Variants in DNAAF4 observed in about 807,000 individuals in gnomAD.
DNAAF4 encodes the protein dynein assembly factor 4, axonemal.
In DNAAF4, 43 loss-of-function variants were observed where a neutral mutation model predicts 51.8. That is an observed-to-expected ratio of 0.83 (90% CI 0.65 to 1.07). The LOEUF is 1.07. Ranked by LOEUF, DNAAF4 falls within the 50% of genes least tolerant of loss-of-function variation. The pLI is 0.00. For synonymous variants in DNAAF4, 194 were observed against 165.6 expected, an observed-to-expected ratio of 1.17 and a Z score of -1.32; for missense variants, 581 against 493.0, an observed-to-expected ratio of 1.18 and a Z score of -1.69.
intron 3 of DNAAF4, among the ~76,000 whole-genome samples, chr15:55,492,900 T>C (rs2058593828): frequency 1.3e-5 from 2 of 152,180 alleles, no homozygotes; most frequent in South Asian, 4.1e-4. Context: ...ACAAGTCTAA[T>C]ATTGTAATTT....
intron 4 of DNAAF4, among the ~76,000 whole-genome samples, chr15:55,488,101 T>C (rs1316641314): frequency 6.7e-6 from 1 of 149,130 alleles, no homozygotes; most frequent in African/African-American, 2.5e-5. Context: ...CAGGATGAAA[T>C]ACCAATCTTT....
At chr15:55,452,246 A>AT (rs2057946405) in intron 5 of DNAAF4, among the ~76,000 whole-genome samples, 1 of 50,586 alleles carries the variant, frequency 2.0e-5, no homozygotes, top group Non-Finnish European at 4.3e-5. Flanking sequence ...TGTCTCACTA[A>AT]AAAAAAAAAA....
At chr15:55,460,190 T>TA (rs974231847) in intron 5 of DNAAF4, among the ~76,000 whole-genome samples, 12 of 149,148 alleles carry the variant, frequency 8.0e-5, no homozygotes, top group African/African-American at 2.4e-4. Flanking sequence ...TTTATTTATT[T>TA]TTTTTTTTGA....
Position 55,498,410 on chromosome 15 carries a change from C to G in DNAAF4, c.-81G>C. On this transcript the variant is annotated 5_prime_UTR_variant, in exon 2 of 10. Coordinates refer to ENST00000321149, the MANE Select transcript of DNAAF4 (RefSeq NM_130810.4). ...TGCTAGGGAAGCTGGGGTTACCATG[C>G]GCCAGCCCTTCCGGGTCAGGCCGGC... 1 of 1,534,690 alleles carries G rather than the reference C, an allele frequency of 6.5e-7. No individual in the cohort carries two copies. Among genetic ancestry groups the G allele is most frequent in the Non-Finnish European group, 8.8e-7 (1 of 1,142,126 alleles).
At chr15:55,460,344 T>G (rs1035009745) in intron 5 of DNAAF4, among the ~76,000 whole-genome samples, 4 of 152,044 alleles carry the variant, frequency 2.6e-5, no homozygotes, top group African/African-American at 9.7e-5. Flanking sequence ...CACGCCCGGC[T>G]AATTTTTGTG....
intron 7 of DNAAF4, chr15:55,418,358 T>C (rs1408857345): frequency 6.5e-7 from 1 of 1,538,482 alleles, no homozygotes; most frequent in Non-Finnish European, 8.8e-7. Context: ...CACCTCACTA[T>C]CAAAACCTCA....
chr15:55,435,978 G>A (rs755970206), intron 7 of DNAAF4, among the ~76,000 whole-genome samples: 111 of 152,124 alleles, frequency 7.3e-4, no homozygotes, highest in Non-Finnish European at 1.2e-3. Flanking sequence ...ACTAGAGATG[G>A]GGTTTCTCCA....
intron 5 of DNAAF4, among the ~76,000 whole-genome samples, chr15:55,464,756 T>A (rs2141499221): frequency 6.6e-6 from 1 of 152,108 alleles, no homozygotes; most frequent in Admixed American, 6.5e-5. Flanking sequence ...TCACCTGAGG[T>A]CAAGAGTTCG....
chr15:55,452,739 T>A (rs1175296244), intron 5 of DNAAF4, among the ~76,000 whole-genome samples: 1 of 152,192 alleles, frequency 6.6e-6, no homozygotes, highest in Admixed American at 6.5e-5. Context: ...GTAAAGGAAA[T>A]GCTTCATCAT....
rs542499474 is a variant in DNAAF4 at position 55,491,206 on chromosome 15, G to C, written c.322C>G (p.Gln108Glu). Residue 108 changes from glutamine (Q) to glutamate (E), a missense_variant, in exon 4 of 10, where the codon CAA becomes GAA. Gln to Glu is a conservative substitution (Grantham distance 29, BLOSUM62 2). Coordinates refer to ENST00000321149, the MANE Select transcript of DNAAF4 (RefSeq NM_130810.4). Reference sequence around the variant, plus strand: ...TCTGTAGCTTCTTTTGCTCTCTCTTGTGCTTGTAAAATAGATTTTTCTCTA... The same window carrying C: ...TCTGTAGCTTCTTTTGCTCTCTCTTCTGCTTGTAAAATAGATTTTTCTCTA... ...RIREKSILQA[Q>E]ERAKEATEAK... 7.4e-6 allele frequency: 12 copies of C among 1,613,726 alleles called. No homozygotes were observed. The East Asian group carries it at 2.5e-4, about 33-fold the overall frequency.
Position 55,454,118 on chromosome 15 carries a change from T to C in DNAAF4, c.638-3751A>G, listed in dbSNP as rs146401630. Among the ~76,000 whole-genome samples, 1,425 of 151,688 alleles carry C rather than the reference T, an allele frequency of 9.4e-3. 12 individuals carry two copies. The highest frequency in any genetic ancestry group is 0.021 in the Middle Eastern group (6 of 292). ...GAATTCAAGATCAGCGTGGCCAATATGGTGAAACCCCGTGTCTTCTAAAAA... is the reference window on the plus strand; with the variant it reads ...GAATTCAAGATCAGCGTGGCCAATACGGTGAAACCCCGTGTCTTCTAAAAA... On this transcript the variant is annotated intron_variant, in intron 5 of 9. Transcript: ENST00000321149.
chr15:55,420,659 C>T (rs8034029), intron 7 of DNAAF4, among the ~76,000 whole-genome samples: 27,064 of 152,044 alleles, frequency 0.18, 4,156 homozygotes, highest in African/African-American at 0.42. Context: ...TTTTCACTTC[C>T]TCAAAACATC....
intron 1 of DNAAF4, among the ~76,000 whole-genome samples, chr15:55,503,443 A>C (rs750414221): frequency 7.2e-5 from 11 of 152,196 alleles, no homozygotes; most frequent in Non-Finnish European, 1.3e-4. Flanking sequence ...CATCATCCTG[A>C]TACCAAAGCC....
At position 55,432,522 on chromosome 15, in the gene DNAAF4, G is replaced by C. The variant is rs1175822958; in HGVS notation, c.1128C>G (p.Phe376Leu). 6.2e-7 allele frequency: 1 copy of C among 1,611,042 alleles called. No homozygotes were observed. Among genetic ancestry groups the C allele is most frequent in the African/African-American group, 1.3e-5 (1 of 74,976 alleles). ...MKAHVRRGTA[F>L]CQLELYVEGL... ...CTTCTACATACAATTCTAGTTGACA[G>C]AATGCTGTTCCACGTCGTACATGTG... The change falls in exon 9 of 10, where the codon TTC becomes TTG. Residue 376 changes from phenylalanine (F) to leucine (L), a missense_variant. By Grantham distance (22) the Phe-to-Leu change is conservative (BLOSUM62 0). Transcript: ENST00000321149.
intron 5 of DNAAF4, among the ~76,000 whole-genome samples, chr15:55,457,093 G>A (rs569576512): frequency 6.6e-6 from 1 of 152,312 alleles, no homozygotes; most frequent in Non-Finnish European, 1.5e-5. Flanking sequence ...CAATAGTGTG[G>A]GCAGGCAGGG....
chr15:55,440,930 CT>C (rs1487749373), intron 6 of DNAAF4, among the ~76,000 whole-genome samples: 1 of 151,866 alleles, frequency 6.6e-6, no homozygotes, highest in African/African-American at 2.4e-5. Context: ...ATTCACCCAC[CT>C]TGGCCTCCCA....
intron 1 of DNAAF4, among the ~76,000 whole-genome samples, chr15:55,501,127 G>T (rs1309177601): frequency 1.0e-3 from 144 of 142,876 alleles, no homozygotes; most frequent in Middle Eastern, 8.8e-3. Flanking sequence ...GCAGTGGCGC[G>T]ATCTCGGCTC....
At chr15:55,484,540 C>A (rs11854716) in intron 4 of DNAAF4, among the ~76,000 whole-genome samples, 36,570 of 151,126 alleles carry the variant, frequency 0.24, 5,545 homozygotes, top group Non-Finnish European at 0.35. Flanking sequence ...GCTATATCCA[C>A]TTCTAGATAC....
intron 4 of DNAAF4, among the ~76,000 whole-genome samples, chr15:55,473,231 GTA>G (rs111418694): frequency 0.36 from 34,806 of 97,682 alleles, 9,034 homozygotes; most frequent in East Asian, 0.8. Context: ...ATGTGTGTGT[GTA>G]TATATATATA....
Sources: allele counts gnomAD v4.1 joint callset (sites outside exome capture counted in the v4.1 genomes callset), GRCh38; gene constraint gnomAD v4.1.1; transcripts MANE v1.5; gene names NCBI Gene and HGNC (gene_info 2026-07-23, HGNC 2026-07-21).